Variants in MLLT10 observed in about 807,000 individuals in gnomAD.
MLLT10 encodes the protein MLLT10 histone lysine methyltransferase DOT1L cofactor.
Under a neutral mutation model 129.1 loss-of-function variants are expected in MLLT10, and 30 were observed. The observed-to-expected ratio is 0.23, with a 90% confidence interval of 0.17 to 0.32. The LOEUF is 0.32. Ranked by LOEUF, MLLT10 falls within the 10% of genes least tolerant of loss-of-function variation. MLLT10 has a pLI of 1.00. For missense variants in MLLT10, 1,119 were observed against 1,268.3 expected (o/e 0.88, Z 1.79); for synonymous variants, 490 against 446.4 (o/e 1.10, Z -1.23).
intron 3 of MLLT10, among the ~76,000 whole-genome samples, chr10:21,552,201 C>G (rs918678017): frequency 6.6e-6 from 1 of 152,058 alleles, no homozygotes; most frequent in Non-Finnish European, 1.5e-5. Flanking sequence ...ACTGGGACTA[C>G]AGGCGTGAGC....
rs551436645 is a variant in MLLT10, at chr10:21,543,602, C to T, written c.240+4690C>T. Among the ~76,000 whole-genome samples the T allele has an allele frequency of 1.3e-3, 193 of 152,240 alleles. 1 individual carries two copies. Among genetic ancestry groups the T allele is most frequent in the African/African-American group, 3.9e-3 (163 of 41,550 alleles). On this transcript the variant is annotated intron_variant, in intron 3 of 22. Coordinates refer to ENST00000307729, the MANE Select transcript of MLLT10 (RefSeq NM_001195626.3). ...CAAGCGATTCTCCTGCCTCAGCCTCCGGAGTAGCTGGGATTACAGGTGTGT... is the reference window on the plus strand; with the variant it reads ...CAAGCGATTCTCCTGCCTCAGCCTCTGGAGTAGCTGGGATTACAGGTGTGT...
chr10:21,626,278 T>C (rs1315081977), intron 8 of MLLT10: 1 of 1,435,562 alleles, frequency 7.0e-7, no homozygotes, highest in Non-Finnish European at 9.8e-7. Context: ...CGATACAAGC[T>C]ATCAATCCAG....
At chr10:21,735,558 TGAG>T (rs1466007870) in intron 21 of MLLT10, among the ~76,000 whole-genome samples, 1 of 152,106 alleles carries the variant, frequency 6.6e-6, no homozygotes, top group Non-Finnish European at 1.5e-5. Flanking sequence ...TGATAAATAC[TGAG>T]AAGAACAAAG....
At chr10:21,639,146 G>A (rs2047739497) in intron 8 of MLLT10, among the ~76,000 whole-genome samples, 1 of 152,180 alleles carries the variant, frequency 6.6e-6, no homozygotes, top group African/African-American at 2.4e-5. Flanking sequence ...CTATGAAAGA[G>A]GTGGAATAGA....
At chr10:21,624,334 A>G (rs2046200421) in intron 8 of MLLT10, among the ~76,000 whole-genome samples, 1 of 152,212 alleles carries the variant, frequency 6.6e-6, no homozygotes, top group Non-Finnish European at 1.5e-5. Flanking sequence ...TTGAAGCTAA[A>G]ATGAAGCCCG....
At chr10:21,548,849 C>T (rs570271116) in intron 3 of MLLT10, among the ~76,000 whole-genome samples, 48 of 151,904 alleles carry the variant, frequency 3.2e-4, no homozygotes, top group Non-Finnish European at 6.2e-4. Flanking sequence ...GAATTATATT[C>T]GTTTTTTTAT....
intron 8 of MLLT10, among the ~76,000 whole-genome samples, chr10:21,648,721 G>C (rs982605438): frequency 6.6e-5 from 10 of 152,112 alleles, no homozygotes; most frequent in Non-Finnish European, 1.2e-4. Flanking sequence ...AGAAATACAC[G>C]AGACTGGGTA....
chr10:21,672,556 C>A (rs375817052), intron 10 of MLLT10, among the ~76,000 whole-genome samples: 1 of 152,156 alleles, frequency 6.6e-6, no homozygotes, highest in African/African-American at 2.4e-5. Flanking sequence ...CCTCCCGCTT[C>A]GGCCTCCCAA....
chr10:21,624,114 A>G (rs1365897913), intron 8 of MLLT10, among the ~76,000 whole-genome samples: 1 of 152,318 alleles, frequency 6.6e-6, no homozygotes, highest in East Asian at 1.9e-4. Context: ...TAAAAATGCA[A>G]AACATACGAT....
At chr10:21,729,549 G>A (rs763589444) in intron 16 of MLLT10, among the ~76,000 whole-genome samples, 1 of 152,122 alleles carries the variant, frequency 6.6e-6, no homozygotes, top group Non-Finnish European at 1.5e-5. Flanking sequence ...AACATCTTAC[G>A]AAAATTTTGC....
rs1193229400 is a variant in MLLT10, at chr10:21,646,853, C to CTTT, written c.700-4804_700-4802dup. On this transcript the variant is annotated intron_variant, in intron 8 of 22. Transcript: ENST00000307729. ...GTTTTCCGAAATCTCTGACTATTCC[C>CTTT]TTTTTTTTTTTTTTTTTTCTGAGAC... is the stretch of plus-strand genomic sequence containing the variant. Among the ~76,000 whole-genome samples, 560 of 139,886 alleles carry CTTT rather than the reference C, an allele frequency of 4.0e-3. 1 individual carries two copies. Among genetic ancestry groups the CTTT allele is most frequent in the Non-Finnish European group, 6.4e-3 (408 of 63,984 alleles). 91.8% of individuals were successfully genotyped at this position (139,886 alleles called of 152,430 possible).
intron 13 of MLLT10, among the ~76,000 whole-genome samples, chr10:21,686,144 A>G (rs578161448): frequency 6.6e-6 from 1 of 152,186 alleles, no homozygotes; most frequent in Non-Finnish European, 1.5e-5. Context: ...TAAACTTACA[A>G]TTTATTAAGA....
At chr10:21,741,724 C>CTCTT (rs887157045) in intron 22 of MLLT10, among the ~76,000 whole-genome samples, 1 of 152,120 alleles carries the variant, frequency 6.6e-6, no homozygotes, top group African/African-American at 2.4e-5. Flanking sequence ...ATGGGCCCAC[C>CTCTT]TCTTTGGTCT....
At chr10:21,729,440 C>T (rs1373112547) in intron 16 of MLLT10, among the ~76,000 whole-genome samples, 2 of 152,158 alleles carry the variant, frequency 1.3e-5, no homozygotes, top group East Asian at 1.9e-4. Context: ...TGAGATGTAA[C>T]AGCCTAAATT....
At chr10:21,668,354 A>G (rs1248846144) in intron 9 of MLLT10, among the ~76,000 whole-genome samples, 1 of 152,106 alleles carries the variant, frequency 6.6e-6, no homozygotes, top group Non-Finnish European at 1.5e-5. Flanking sequence ...TATGTTTATA[A>G]TGGAATTCCC....
intron 3 of MLLT10, among the ~76,000 whole-genome samples, chr10:21,567,681 A>G (rs1326232036): frequency 6.6e-6 from 1 of 152,144 alleles, no homozygotes. Context: ...CCATGTGATC[A>G]TTGCTGGTAT....
chr10:21,706,990 A>G (rs1564687829), intron 13 of MLLT10, among the ~76,000 whole-genome samples: 3 of 151,242 alleles, frequency 2.0e-5, no homozygotes, highest in African/African-American at 7.3e-5. Flanking sequence ...TTCTGTATGA[A>G]CTCCTCTTCT....
At chr10:21,689,553 ATATATATATATG>A (rs1189003527) in intron 13 of MLLT10, among the ~76,000 whole-genome samples, 9 of 104,676 alleles carry the variant, frequency 8.6e-5, no homozygotes, top group South Asian at 2.8e-4. Flanking sequence ...AGTAATATAT[ATATATATATATG>A]TATATATATA....
At chr10:21,568,889 C>G (rs2039892526) in intron 3 of MLLT10, among the ~76,000 whole-genome samples, 1 of 152,194 alleles carries the variant, frequency 6.6e-6, no homozygotes, top group African/African-American at 2.4e-5. Flanking sequence ...CTGCCTCGAC[C>G]TCCCAAAGTG....
Sources: allele counts gnomAD v4.1 joint callset (sites outside exome capture counted in the v4.1 genomes callset), GRCh38; gene constraint gnomAD v4.1.1; transcripts MANE v1.5; gene names NCBI Gene and HGNC (gene_info 2026-07-23, HGNC 2026-07-21).